Variants in FAM9B observed in about 807,000 individuals in gnomAD.
FAM9B encodes the protein protein FAM9B.
FAM9B carries 18 observed loss-of-function variants against 16.6 expected under a neutral mutation model. That is an observed-to-expected ratio of 1.09 (90% CI 0.75 to 1.61). The LOEUF is 1.61. Ranked by LOEUF, FAM9B falls within the 40% of genes most tolerant of loss-of-function variation. FAM9B has a pLI of 0.00. For synonymous variants in FAM9B, 43 were observed against 42.6 expected, an observed-to-expected ratio of 1.01 and a Z score of -0.03; for missense variants, 155 against 136.0, an observed-to-expected ratio of 1.14 and a Z score of -0.70.
At chrX:9,027,612 CATAAG>C (rs930042772) in intron 7 of FAM9B, among the ~76,000 whole-genome samples, 1 of 111,636 alleles carries the variant, frequency 9.0e-6, no homozygotes, top group Non-Finnish European at 1.9e-5. Flanking sequence ...CAATTTTATA[CATAAG>C]ATGTGTATTT....
At chrX:9,032,837 G>A (rs1921125909) in intron 2 of FAM9B, 122 bp downstream of exon 2, 1 of 994,896 alleles carries the variant, frequency 1.0e-6, no homozygotes, top group African/African-American at 1.9e-5. Flanking sequence ...CGTGCACAAT[G>A]GACTCCAGAG....
At chrX:9,031,143 T>A (rs5979008) in intron 4 of FAM9B, 1 of 111,708 alleles carries the variant, frequency 9.0e-6, no homozygotes, top group Non-Finnish European at 1.9e-5. Context: ...CCATCTATAA[T>A]GCCCAATGTA....
intron 2 of FAM9B, 103 bp downstream of exon 2, chrX:9,032,856 G>A: frequency 6.5e-6 from 7 of 1,084,014 alleles, no homozygotes; most frequent in Non-Finnish European, 7.4e-6. Flanking sequence ...AGCCACGAAG[G>A]GGCCTGGGGC....
chrX:9,026,606 G>C (rs1920969092), intron 7 of FAM9B, among the ~76,000 whole-genome samples: 1 of 111,292 alleles, frequency 9.0e-6, no homozygotes, highest in Admixed American at 9.7e-5. Context: ...TACAGGTAAG[G>C]AAGAATGAGG....
intron 7 of FAM9B, among the ~76,000 whole-genome samples, chrX:9,027,023 A>G (rs1393368328): frequency 8.9e-6 from 1 of 111,997 alleles, no homozygotes; most frequent in Non-Finnish European, 1.9e-5. Context: ...AAAGAATACC[A>G]GATCTCCCCA....
Position 9,033,996 on chromosome X carries a change from C to T in FAM9B, c.-234G>A, listed in dbSNP as rs1240529080. The stretch of plus-strand genomic sequence containing the variant: ...CGGAGGTTGCAGTGAGCCCAGATCA[C>T]ACCACTGCACTGCAGCCTAGGCAGC... On this transcript the variant is annotated 5_prime_UTR_variant, in exon 1 of 9. It adds an upstream start codon to the 5' untranslated region. Coordinates refer to ENST00000327220, the MANE Select transcript of FAM9B (RefSeq NM_205849.3). The T allele has an allele frequency of 6.0e-6, 3 of 500,940 alleles. No individual in the cohort carries two copies. Among genetic ancestry groups the T allele is most frequent in the African/African-American group, 5.2e-5 (2 of 38,207 alleles). The allele number at this position is 500,940 out of a possible 1,213,427, so 41.3% of individuals were successfully genotyped here.
In FAM9B at chrX:9,032,472, A is replaced by C. The variant is rs1478706796; in HGVS notation, c.29-11T>G. 2 of 1,182,078 alleles carry C rather than the reference A, an allele frequency of 1.7e-6. No individual in the cohort carries two copies. The highest frequency in any genetic ancestry group is 2.3e-6 in the Non-Finnish European group (2 of 878,882). On this transcript the variant is annotated splice_polypyrimidine_tract_variant and intron_variant, in intron 2 of 8. Coordinates refer to ENST00000327220, the MANE Select transcript of FAM9B (RefSeq NM_205849.3). ...GGACTGGATCCTTTCCTGCATTAAA[A>C]TGTAAAAGACAAACCTTTTTTAGAG...
intron 4 of FAM9B, chrX:9,031,805 A>C (rs2146824947): frequency 5.1e-6 from 1 of 197,578 alleles, no homozygotes; most frequent in African/African-American, 2.9e-5. Context: ...TATATGACTT[A>C]ATCTGTGTAT....
intron 4 of FAM9B, 180 bp downstream of exon 4, chrX:9,031,950 T>G: frequency 2.5e-6 from 1 of 405,024 alleles, no homozygotes; most frequent in South Asian, 6.1e-5. Flanking sequence ...ACATTCCACA[T>G]CAACAATCAA....
Position 9,030,672 on chromosome X carries a change from C to T in FAM9B, c.182-312G>A, listed in dbSNP as rs1463539715. 7.6e-5 allele frequency: 12 copies of T among 158,156 alleles called. No homozygotes were observed. The Admixed American group carries it at 9.7e-4, about 13-fold the overall frequency. 13.0% of individuals were successfully genotyped at this position (158,156 alleles called of 1,213,427 possible). On this transcript the variant is annotated intron_variant, in intron 4 of 8. Transcript: ENST00000327220. ...TTAAATGTGCAGAAAGAGTTATAAG[C>T]ACAGACTTTAATTTCTACATTTATA...
At chrX:9,032,909 C>T in intron 2 of FAM9B, 50 bp downstream of exon 2, 1 of 1,198,016 alleles carries the variant, frequency 8.3e-7, no homozygotes, top group Non-Finnish European at 1.1e-6. Context: ...GCAGACAGAC[C>T]GTCCTCTTGG....
intron 2 of FAM9B, chrX:9,032,718 T>C: frequency 3.7e-6 from 2 of 535,654 alleles, no homozygotes; most frequent in Non-Finnish European, 5.9e-6. Context: ...ACTGCACCCA[T>C]GGAGAAGAGC....
At chrX:9,030,465 A>G (rs1021669276) in intron 4 of FAM9B, 105 bp from the exon 5 acceptor site, 3 of 492,841 alleles carry the variant, frequency 6.1e-6, no homozygotes, top group Non-Finnish European at 9.3e-6. Context: ...TGGTTCAGCA[A>G]TTTCAGAAGG....
intron 4 of FAM9B, 52 bp downstream of exon 4, chrX:9,032,078 T>G: frequency 8.9e-7 from 1 of 1,124,318 alleles, no homozygotes; most frequent in Non-Finnish European, 1.2e-6. Context: ...ACTGCAACAG[T>G]TGTATGACTG....
chrX:9,033,695 A>AAAC, intron 1 of FAM9B, 157 bp downstream of exon 1: 1 of 65,862 alleles, frequency 1.5e-5, no homozygotes, highest in Non-Finnish European at 1.8e-5. Context: ...ACCCCAGCCC[A>AAAC]CCCTAGCCCA....
At chrX:9,032,553 T>TGG (rs149136773) in intron 2 of FAM9B, 92 bp from the exon 3 acceptor site, 55 of 292,234 alleles carry the variant, frequency 1.9e-4, no homozygotes, top group East Asian at 2.7e-4. Context: ...TAGACTTTTT[T>TGG]GGGGGGGGGG....
At chrX:9,028,193 T>G (rs930094979) in intron 6 of FAM9B, among the ~76,000 whole-genome samples, 3 of 112,288 alleles carry the variant, frequency 2.7e-5, no homozygotes, top group Non-Finnish European at 5.6e-5. Context: ...TTCTTACTTT[T>G]ACACATTCAA....
chrX:9,026,546 A>G (rs763509618), intron 7 of FAM9B, among the ~76,000 whole-genome samples: 1 of 111,560 alleles, frequency 9.0e-6, no homozygotes, highest in South Asian at 3.8e-4. Flanking sequence ...TTGCCAATCA[A>G]TGAAGGATGG....
At chrX:9,027,120 A>G (rs1267094558) in intron 7 of FAM9B, among the ~76,000 whole-genome samples, 1 of 112,069 alleles carries the variant, frequency 8.9e-6, no homozygotes, top group Non-Finnish European at 1.9e-5. Flanking sequence ...GTGCTGTACA[A>G]CAGCAGATAA....
Sources: allele counts gnomAD v4.1 joint callset (sites outside exome capture counted in the v4.1 genomes callset), GRCh38; gene constraint gnomAD v4.1.1; transcripts MANE v1.5; gene names NCBI Gene and HGNC (gene_info 2026-07-23, HGNC 2026-07-21).